Variants in SFTPD observed in about 807,000 individuals in gnomAD.
SFTPD encodes surfactant protein D, also known as pulmonary surfactant-associated protein D.
Under a neutral mutation model 34.6 loss-of-function variants are expected in SFTPD, and 18 were observed. The ratio of observed to expected loss-of-function variants is 0.52; its 90% CI spans 0.36 to 0.77. SFTPD has a LOEUF of 0.77. Among genes scored for constraint, SFTPD ranks in the 30% least tolerant of loss-of-function variants. The pLI, the probability that SFTPD is intolerant of heterozygous loss-of-function variation, is 0.00. For synonymous variants in SFTPD, 155 were observed against 180.9 expected, an observed-to-expected ratio of 0.86 and a Z score of 1.15; for missense variants, 433 against 468.9, an observed-to-expected ratio of 0.92 and a Z score of 0.71.
intron 1 of SFTPD, among the ~76,000 whole-genome samples, chr10:79,962,100 T>A (rs7085014): frequency 0.62 from 79,824 of 129,028 alleles, 24,741 homozygotes; most frequent in African/African-American, 0.75. Context: ...AACAATGAGA[T>A]CACATGGACA....
At chr10:79,942,711 T>G (rs1403799959) in intron 3 of SFTPD, 52 bp downstream of exon 3, 15 of 1,275,530 alleles carry the variant, frequency 1.2e-5, no homozygotes, top group Non-Finnish European at 1.5e-5. Flanking sequence ...GGCATATCCT[T>G]GCAGCTGCAC....
At chr10:79,951,933 T>A (rs1564531671), upstream of SFTPD, among the ~76,000 whole-genome samples, 1 of 152,188 alleles carries the variant, frequency 6.6e-6, no homozygotes, top group Non-Finnish European at 1.5e-5. Flanking sequence ...CACTGATGTC[T>A]CCACCAGAGT....
At chr10:79,975,387 C>A (rs1239468473) in intron 1 of SFTPD, among the ~76,000 whole-genome samples, 1 of 152,132 alleles carries the variant, frequency 6.6e-6, no homozygotes, top group African/African-American at 2.4e-5. Flanking sequence ...TGAAAAAGTT[C>A]CTAGGTGGAA....
chr10:79,971,407 T>C (rs1842833711), intron 1 of SFTPD: 1 of 152,244 alleles, frequency 6.6e-6, no homozygotes, highest in Admixed American at 6.5e-5. Context: ...ACTTCAATTT[T>C]CTGGAAAAGT....
chr10:79,944,319 C>G (rs1252983662), intron 2 of SFTPD, among the ~76,000 whole-genome samples: 2 of 152,192 alleles, frequency 1.3e-5, no homozygotes, highest in East Asian at 3.8e-4. Flanking sequence ...AAATGTACAA[C>G]ATATGATATG....
rs1210761949 is a variant in SFTPD, at chr10:79,941,877, G to C, written c.550+77C>G. 9 of 901,776 alleles carry C rather than the reference G, an allele frequency of 1.0e-5. No homozygotes were observed. In the Admixed American group the frequency reaches 1.5e-4, roughly 15 times the overall value. The allele number at this position is 901,776 out of a possible 1,614,324, so 55.9% of individuals were successfully genotyped here. A position where few individuals can be genotyped will look rare whatever the true frequency, so the allele number is the denominator to read the frequency against. On this transcript the variant is annotated intron_variant, in intron 5 of 7. Coordinates refer to ENST00000372292, the MANE Select transcript of SFTPD (RefSeq NM_003019.5). ...ACCTCTGCCTTTGTGGGTGGTGGAG[G>C]GGGTGTAGGCATTGACAGCTCCAAG...
intron 1 of SFTPD, among the ~76,000 whole-genome samples, chr10:79,979,644 A>G (rs1842880484): frequency 6.6e-6 from 1 of 152,238 alleles, no homozygotes; most frequent in African/African-American, 2.4e-5. Flanking sequence ...TCCAGGGGTC[A>G]GAATCTGGAT....
intron 1 of SFTPD, chr10:79,968,783 T>G (rs985970216): frequency 2.0e-5 from 3 of 152,220 alleles, no homozygotes. Context: ...TAATTTACAT[T>G]CCCACCAACA....
intron 1 of SFTPD, chr10:79,972,846 G>T (rs1013914290): frequency 6.6e-6 from 1 of 152,210 alleles, no homozygotes; most frequent in African/African-American, 2.4e-5. Flanking sequence ...AAACCTGAAG[G>T]CGGGCAAATG....
intron 1 of SFTPD, among the ~76,000 whole-genome samples, chr10:79,956,830 T>C (rs549507137): frequency 9.2e-5 from 14 of 152,290 alleles, no homozygotes; most frequent in African/African-American, 3.4e-4. Flanking sequence ...CAGCTGGAGA[T>C]CTGAGAACGG....
chr10:79,938,181 T>C lies in SFTPD; in HGVS notation c.799A>G (p.Thr267Ala). Residue 267 changes from threonine (T) to alanine (A), a missense_variant, in exon 8 of 8, where the codon ACA becomes GCA. By Grantham distance (58) the Thr-to-Ala change is moderately conservative. Coordinates refer to ENST00000372292, the MANE Select transcript of SFTPD (RefSeq NM_003019.5). ...GQSVGEKIFK[T>A]AGFVKPFTEA... is the part of the protein sequence containing the mutation. ...GTAAATGGTTTTACAAAGCCTGCTG[T>C]CTTGAAAATCTTCTCCCCGACACTT... 2 of 1,604,166 alleles carry C rather than the reference T, an allele frequency of 1.2e-6. No homozygotes were observed. Among genetic ancestry groups the C allele is most frequent in the Non-Finnish European group, 8.5e-7 (1 of 1,171,630 alleles).
chr10:79,969,998 T>C (rs535396366), intron 1 of SFTPD: 1 of 152,316 alleles, frequency 6.6e-6, no homozygotes, highest in South Asian at 2.1e-4. Flanking sequence ...TTTCTTCTAG[T>C]AGTTTTTTCA....
At chr10:79,976,174 A>G (rs374203715) in intron 1 of SFTPD, among the ~76,000 whole-genome samples, 2 of 152,220 alleles carry the variant, frequency 1.3e-5, no homozygotes, top group African/African-American at 4.8e-5. Flanking sequence ...AAAAGAATCA[A>G]AGTGATGGCC....
chr10:79,967,029 A>G (rs1263216034), intron 1 of SFTPD, among the ~76,000 whole-genome samples: 1 of 135,800 alleles, frequency 7.4e-6, no homozygotes, highest in Non-Finnish European at 1.5e-5. Flanking sequence ...TTTGCAGACG[A>G]CATGATTGTT....
In SFTPD at chr10:79,942,452, C is replaced by A; in HGVS notation, c.369G>T (p.Leu123=). Residue 123 remains leucine, a synonymous_variant, in exon 4 of 8, where the codon CTG becomes CTT. Coordinates refer to ENST00000372292, the MANE Select transcript of SFTPD (RefSeq NM_003019.5). ...VPGPAGREGP[L]GKQGNIGPQG... is the part of the protein sequence containing the mutation. Reference sequence around the variant, plus strand: ...GAGGTCCTATGTTCCCCTGCTTCCCCAGGGGACCTTCTCTTCCAGCTGGAC... The same window carrying A: ...GAGGTCCTATGTTCCCCTGCTTCCCAAGGGGACCTTCTCTTCCAGCTGGAC... 6.2e-7 allele frequency: 1 copy of A among 1,613,672 alleles called. No homozygotes were observed. Among genetic ancestry groups the A allele is most frequent in the Non-Finnish European group, 8.5e-7 (1 of 1,179,642 alleles).
At chr10:79,959,198 A>T (rs1230546299) in intron 1 of SFTPD, among the ~76,000 whole-genome samples, 2 of 148,908 alleles carry the variant, frequency 1.3e-5, no homozygotes, top group East Asian at 1.9e-4. Context: ...AGCAGGAAAG[A>T]TCCAAAATTG....
At chr10:79,971,705 C>G (rs1206033914) in intron 1 of SFTPD, 1 of 151,996 alleles carries the variant, frequency 6.6e-6, no homozygotes, top group Non-Finnish European at 1.5e-5. Flanking sequence ...TGTAATGTCC[C>G]TGTTCATTTG....
chr10:79,962,957 TTCTA>T (rs1413785173), intron 1 of SFTPD, among the ~76,000 whole-genome samples: 8 of 152,328 alleles, frequency 5.3e-5, no homozygotes, highest in African/African-American at 1.9e-4. Flanking sequence ...TTTGTCTCTA[TTCTA>T]TCTGTGTATA....
chr10:79,954,171 G>C (rs368654434), intron 1 of SFTPD, among the ~76,000 whole-genome samples: 22,269 of 152,036 alleles, frequency 0.15, 2,060 homozygotes, highest in East Asian at 0.41. Flanking sequence ...GTTTGGTTTG[G>C]TTCATTTCTT....
Sources: allele counts gnomAD v4.1 joint callset (sites outside exome capture counted in the v4.1 genomes callset), GRCh38; gene constraint gnomAD v4.1.1; transcripts MANE v1.5; gene names NCBI Gene and HGNC (gene_info 2026-07-23, HGNC 2026-07-21).